Variants in PITPNB observed in about 807,000 individuals in gnomAD.
PITPNB encodes the protein phosphatidylinositol transfer protein beta.
In PITPNB, 16 loss-of-function variants were observed where a neutral mutation model predicts 45.9. That is an observed-to-expected ratio of 0.35 (90% CI 0.24 to 0.53). The LOEUF (loss-of-function observed/expected upper bound fraction) is 0.53. PITPNB is among the 20% of genes least tolerant of loss of function. PITPNB has a pLI of 0.93. For synonymous variants in PITPNB, 112 were observed against 108.9 expected (o/e 1.03, Z -0.18); for missense variants, 188 against 330.5 (o/e 0.57, Z 3.34).
At chr22:27,882,632 A>G (rs1327729504) in intron 7 of PITPNB, among the ~76,000 whole-genome samples, 1 of 152,234 alleles carries the variant, frequency 6.6e-6, no homozygotes, top group Non-Finnish European at 1.5e-5. Flanking sequence ...TTGACAAGCA[A>G]TTAAAATGTC....
At chr22:27,906,744 ACTCT>A (rs1935772996) in intron 3 of PITPNB, among the ~76,000 whole-genome samples, 1 of 152,136 alleles carries the variant, frequency 6.6e-6, no homozygotes, top group East Asian at 1.9e-4. Context: ...GCAAACACTC[ACTCT>A]AAGTTATCAA....
chr22:27,878,836 T>C (rs1934890988), intron 7 of PITPNB, among the ~76,000 whole-genome samples: 2 of 152,208 alleles, frequency 1.3e-5, no homozygotes, highest in South Asian at 4.1e-4. Context: ...GACCACTAAT[T>C]GTCAATAACT....
chr22:27,871,488 G>C (rs1388611254), intron 8 of PITPNB, among the ~76,000 whole-genome samples: 1 of 152,130 alleles, frequency 6.6e-6, no homozygotes, highest in African/African-American at 2.4e-5. Flanking sequence ...TACTTTTTTA[G>C]AAGTTACAGC....
chr22:27,915,045 A>G (rs571948838), intron 1 of PITPNB, among the ~76,000 whole-genome samples: 1 of 152,340 alleles, frequency 6.6e-6, no homozygotes, highest in South Asian at 2.1e-4. Context: ...TAAAATCCAA[A>G]ACAGTATCAT....
At chr22:27,902,882 G>C (rs190811891) in intron 3 of PITPNB, among the ~76,000 whole-genome samples, 56 of 152,106 alleles carry the variant, frequency 3.7e-4, no homozygotes, top group African/African-American at 1.2e-3. Flanking sequence ...CTGTGACTGG[G>C]CTAATTTTTA....
At chr22:27,868,836 T>G (rs147084948) in intron 8 of PITPNB, among the ~76,000 whole-genome samples, 12 of 152,296 alleles carry the variant, frequency 7.9e-5, no homozygotes, top group African/African-American at 2.9e-4. Context: ...GAAGAGACGC[T>G]TTGACAAAGC....
At chr22:27,894,786 A>G (rs1361548019) in intron 6 of PITPNB, 148 bp from the exon 7 acceptor site, 1 of 481,598 alleles carries the variant, frequency 2.1e-6, no homozygotes, top group East Asian at 3.0e-5. Context: ...GCTGTCTGAC[A>G]TTTTGCAGGA....
In PITPNB at chr22:27,914,440, C is replaced by CAG. The variant is rs1415623547; in HGVS notation, c.21-95_21-94dup. On this transcript the variant is annotated intron_variant, in intron 1 of 11. Transcript: ENST00000335272. ...GGTTTTACCTTAAATCCAATGATAA[C>CAG]AGAGACAGGTCTCTTAAATCAAAAA... The CAG allele has an allele frequency of 4.5e-5, 33 of 731,082 alleles. 1 individual carries two copies. In the African/African-American group the frequency reaches 5.3e-4, roughly 12 times the overall value. 45.3% of individuals were successfully genotyped at this position (731,082 alleles called of 1,614,324 possible).
intron 7 of PITPNB, among the ~76,000 whole-genome samples, chr22:27,892,722 AG>A (rs1371318164): frequency 6.6e-6 from 1 of 152,262 alleles, no homozygotes; most frequent in African/African-American, 2.4e-5. Context: ...TCATTTCTAC[AG>A]ATTGAAAAAC....
intron 8 of PITPNB, among the ~76,000 whole-genome samples, chr22:27,862,034 T>C (rs1386573646): frequency 1.3e-5 from 2 of 152,148 alleles, no homozygotes; most frequent in African/African-American, 2.4e-5. Context: ...CCACGGGCTC[T>C]TCCCTCTTCA....
Position 27,851,883 on chromosome 22 carries a change from GA to G in PITPNB, c.*1818del, listed in dbSNP as rs1243439176. 1 of 152,138 alleles carries G rather than the reference GA, an allele frequency of 6.6e-6. No individual in the cohort carries two copies. Among genetic ancestry groups the G allele is most frequent in the African/African-American group, 2.4e-5 (1 of 41,422 alleles). The allele number at this position is 152,138 out of a possible 1,614,324, so 9.4% of individuals were successfully genotyped here. On this transcript the variant is annotated 3_prime_UTR_variant, in exon 12 of 12. Transcript: ENST00000335272. ...CCAATGATACTACAGATGCCAGCGAGAGTTAAGTTCATTAAAAGGAGAGGGC... is the reference window on the plus strand; with the variant it reads ...CCAATGATACTACAGATGCCAGCGAGGTTAAGTTCATTAAAAGGAGAGGGC...
intron 9 of PITPNB, among the ~76,000 whole-genome samples, chr22:27,859,105 G>C (rs938150907): frequency 6.6e-6 from 1 of 152,194 alleles, no homozygotes; most frequent in Non-Finnish European, 1.5e-5. Context: ...CCCAAGAAGA[G>C]AGAAAAGTGC....
chr22:27,858,347 A>G (rs1934230556), intron 10 of PITPNB, 40 bp downstream of exon 10: 6 of 1,534,626 alleles, frequency 3.9e-6, no homozygotes, highest in African/African-American at 1.4e-5. Context: ...GTTTTAGAAA[A>G]GGGAAAATTA....
chr22:27,895,491 G>A (rs1935406159), intron 6 of PITPNB, among the ~76,000 whole-genome samples: 1 of 151,498 alleles, frequency 6.6e-6, no homozygotes, highest in African/African-American at 2.4e-5. Flanking sequence ...TTGGGAGGCT[G>A]AGGCAGGAGA....
Position 27,852,416 on chromosome 22 carries a change from A to T in PITPNB, c.*1286T>A, listed in dbSNP as rs1389339613. ...TGTTCCTTCCTTTAAATAAAAAATA[A>T]AATTAAATTAAAAAAAGTGGCAGCC... is the stretch of plus-strand genomic sequence containing the variant. On this transcript the variant is annotated 3_prime_UTR_variant, in exon 12 of 12. Transcript: ENST00000335272. 1.3e-5 allele frequency: 2 copies of T among 152,226 alleles called. No individual in the cohort carries two copies. Among genetic ancestry groups the T allele is most frequent in the Non-Finnish European group, 2.9e-5 (2 of 68,044 alleles). 9.4% of individuals were successfully genotyped at this position (152,226 alleles called of 1,614,324 possible).
intron 8 of PITPNB, among the ~76,000 whole-genome samples, chr22:27,867,984 G>A (rs73166733): frequency 0.019 from 2,886 of 152,046 alleles, 34 homozygotes; most frequent in Non-Finnish European, 0.029. Context: ...AAAAAATGTA[G>A]TCATCAAACT....
rs763552408 is a variant in PITPNB at position 27,919,222 on chromosome 22, A to C, written c.-31T>G. On this transcript the variant is annotated 5_prime_UTR_variant, in exon 1 of 12. Coordinates refer to ENST00000335272, the MANE Select transcript of PITPNB (RefSeq NM_012399.5). The stretch of plus-strand genomic sequence containing the variant: ...CGGAACCCCCTCACAGCTGCCGCCG[A>C]TACCACCGCCGCCGCCGCCGCTACC... The C allele has an allele frequency of 8.8e-6, 14 of 1,591,636 alleles. No homozygotes were observed. The highest frequency in any genetic ancestry group is 2.2e-5 in the South Asian group (2 of 90,602).
rs1343999752 is a variant in PITPNB at position 27,854,884 on chromosome 22, G to T, written c.*8C>A. On this transcript the variant is annotated 3_prime_UTR_variant, in exon 11 of 12. Coordinates refer to ENST00000335272, the MANE Select transcript of PITPNB (RefSeq NM_012399.5). ...TTGACATTGTCTCTGACCCTACAGG[G>T]GACTCATCTAGACATCAGCAGCCGA... 5.6e-6 allele frequency: 9 copies of T among 1,612,730 alleles called. 1 individual carries two copies. The highest frequency in any genetic ancestry group is 4.2e-6 in the Non-Finnish European group (5 of 1,178,914).
chr22:27,862,933 T>C (rs538954258), intron 8 of PITPNB, among the ~76,000 whole-genome samples: 1 of 152,370 alleles, frequency 6.6e-6, no homozygotes, highest in East Asian at 1.9e-4. Flanking sequence ...GCTGGGCTCC[T>C]GGATGCAGAA....
Sources: allele counts gnomAD v4.1 joint callset (sites outside exome capture counted in the v4.1 genomes callset), GRCh38; gene constraint gnomAD v4.1.1; transcripts MANE v1.5; gene names NCBI Gene and HGNC (gene_info 2026-07-23, HGNC 2026-07-21).